The following PDE5A variants were observed in gnomAD, a reference collection of about 807,000 sequenced individuals.
PDE5A encodes phosphodiesterase 5A.
Under a neutral mutation model 110.2 loss-of-function variants are expected in PDE5A, and 67 were observed. The observed-to-expected ratio is 0.61, with a 90% CI of 0.50 to 0.75. The LOEUF (loss-of-function observed/expected upper bound fraction) is 0.75, where lower values mean the gene tolerates loss of function less well. Ranked by LOEUF, PDE5A falls within the 30% of genes least tolerant of loss-of-function variation. The pLI is 0.00. For synonymous variants in PDE5A, 328 were observed against 351.2 expected (o/e 0.93, Z 0.74); for missense variants, 862 against 1,045.1 (o/e 0.82, Z 2.42).
intron 7 of PDE5A, among the ~76,000 whole-genome samples, chr4:119,557,578 CAAAT>C (rs1727586369): frequency 6.6e-6 from 1 of 150,950 alleles, no homozygotes; most frequent in Non-Finnish European, 1.5e-5. Flanking sequence ...AAACCAAAGA[CAAAT>C]AAAAAAAAAA....
chr4:119,615,586 TGGCA>T (rs927054291), intron 1 of PDE5A, among the ~76,000 whole-genome samples: 2 of 143,454 alleles, frequency 1.4e-5, no homozygotes, highest in African/African-American at 2.6e-5. Context: ...TACTTCAGAA[TGGCA>T]TTCTTGACAG....
At position 119,507,625 on chromosome 4, in the gene PDE5A, G is replaced by T; in HGVS notation, c.2168C>A (p.Thr723Lys). ...TTACTTAATGTACAGTGCTAGGTCT[G>T]TAGCTAAAATAGCTTGCTTGATTAT... Reference protein sequence around the residue: ...LKIIKQAILATDLALYIKRRG... With the variant: ...LKIIKQAILAKDLALYIKRRG... The change falls in exon 16 of 21, where the codon ACA becomes AAA. Residue 723 changes from threonine to lysine, a missense_variant. Transcript: ENST00000354960. 6.3e-7 allele frequency: 1 copy of T among 1,580,618 alleles called. No individual in the cohort carries two copies. The highest frequency in any genetic ancestry group is 8.6e-7 in the Non-Finnish European group (1 of 1,166,022).
rs147059602 is a variant in PDE5A, at chr4:119,575,112, G to A, written c.832-7968C>T. Reference sequence around the variant, plus strand: ...TGATGGAAGATCAAATGAATGAAATGAAGTGAGAAGAGACGTTTAGAGAAA... The same window carrying A: ...TGATGGAAGATCAAATGAATGAAATAAAGTGAGAAGAGACGTTTAGAGAAA... On this transcript the variant is annotated intron_variant, in intron 3 of 20. Coordinates refer to ENST00000354960, the MANE Select transcript of PDE5A (RefSeq NM_001083.4). 5.0e-3 allele frequency among the ~76,000 whole-genome samples: 760 copies of A among 152,294 alleles called. 6 individuals carry two copies. Among genetic ancestry groups the A allele is most frequent in the African/African-American group, 0.017 (724 of 41,562 alleles).
At position 119,624,283 on chromosome 4, in the gene PDE5A, T is replaced by C. The variant is rs558113393; in HGVS notation, c.152+4237A>G. Among the ~76,000 whole-genome samples the C allele has an allele frequency of 2.0e-5, 3 of 152,292 alleles. No homozygotes were observed. In the East Asian group the frequency reaches 5.8e-4, roughly 29 times the overall value. Reference sequence around the variant, plus strand: ...GAAAATTGTGGAAAGTTTATATTCCTATATAATTATAGAAACAATAATTTA... The same window carrying C: ...GAAAATTGTGGAAAGTTTATATTCCCATATAATTATAGAAACAATAATTTA... On this transcript the variant is annotated intron_variant, in intron 1 of 20. Transcript: ENST00000354960.
intron 9 of PDE5A, chr4:119,549,700 C>T (rs572737009): frequency 1.2e-4 from 19 of 152,016 alleles, no homozygotes; most frequent in African/African-American, 3.9e-4. Context: ...GCATAATAAG[C>T]AGGGAAAATA....
chr4:119,574,523 T>G (rs542716181), intron 3 of PDE5A, among the ~76,000 whole-genome samples: 1 of 152,160 alleles, frequency 6.6e-6, no homozygotes, highest in Admixed American at 6.5e-5. Context: ...ACTCAAGGAA[T>G]CATGGAGACC....
At chr4:119,576,783 G>A (rs553695623) in intron 3 of PDE5A, among the ~76,000 whole-genome samples, 31 of 152,140 alleles carry the variant, frequency 2.0e-4, no homozygotes, top group African/African-American at 6.5e-4. Context: ...AAGAACAAGA[G>A]AAGCAAGAGC....
Position 119,552,620 on chromosome 4 carries a change from AT to A in PDE5A, c.1325del (p.Asn442MetfsTer2). ...AACTTCTAATGCACTGCTGGTTTAC[AT>A]TTCCTGTATTTTCAGTCTAAACAAA... ...RFPWTTENTG[N>X]VNQQCIRSLL... On this transcript the variant is annotated frameshift_variant, in exon 9 of 21. Transcript: ENST00000354960. LOFTEE classifies it high-confidence loss of function. 1 of 1,534,246 alleles carries A rather than the reference AT, an allele frequency of 6.5e-7. No homozygotes were observed. The highest frequency in any genetic ancestry group is 8.8e-7 in the Non-Finnish European group (1 of 1,139,110).
chr4:119,569,060 G>GTCT (rs1407659934), intron 3 of PDE5A, among the ~76,000 whole-genome samples: 1 of 150,578 alleles, frequency 6.6e-6, no homozygotes, highest in African/African-American at 2.4e-5. Context: ...TTGAGACAGG[G>GTCT]TCTTGCTCTG....
In PDE5A at chr4:119,525,615, T is replaced by C; in HGVS notation, c.1713A>G (p.Thr571=). The C allele has an allele frequency of 1.2e-6, 2 of 1,613,388 alleles. No individual in the cohort carries two copies. Among genetic ancestry groups the C allele is most frequent in the South Asian group, 1.1e-5 (1 of 91,062 alleles). Residue 571 remains threonine (T), a synonymous_variant, in exon 12 of 21, where the codon ACA becomes ACG. Coordinates refer to ENST00000354960, the MANE Select transcript of PDE5A (RefSeq NM_001083.4). The surrounding 1 kb of genome is among the most constrained non-coding windows in gnomAD (Gnocchi z 4.3). ...TAAACATCCGAATTGTACACAGTGC[T>C]GTTTCCAGATCAGACAGCTCAAAGT... ...FSDFELSDLE[T]ALCTIRMFTD...
intron 9 of PDE5A, chr4:119,550,025 T>C (rs1727284824): frequency 6.6e-6 from 1 of 152,228 alleles, no homozygotes; most frequent in African/African-American, 2.4e-5. Flanking sequence ...ATCTGGTCTA[T>C]GACATGTAAG....
Position 119,568,379 on chromosome 4 carries a change from A to G in PDE5A, c.832-1235T>C, listed in dbSNP as rs559636090. 7.2e-5 allele frequency among the ~76,000 whole-genome samples: 11 copies of G among 152,266 alleles called. No homozygotes were observed. The South Asian group carries it at 1.9e-3, about 26-fold the overall frequency. ...GTAGTTACGAATGTTCACGGGAACT[A>G]TAATAAGAGCCACTTGAAGGTCATT... On this transcript the variant is annotated intron_variant, in intron 3 of 20. Coordinates refer to ENST00000354960, the MANE Select transcript of PDE5A (RefSeq NM_001083.4).
intron 2 of PDE5A, among the ~76,000 whole-genome samples, chr4:119,604,578 C>A (rs1578819009): frequency 6.6e-6 from 1 of 152,122 alleles, no homozygotes; most frequent in African/African-American, 2.4e-5. Context: ...TAGAGATACT[C>A]TATGAAGACC....
rs774321285 is a variant in PDE5A at position 119,607,002 on chromosome 4, A to G, written c.448T>C (p.Ser150Pro). Reference sequence around the variant, plus strand: ...TCCTTCACTAATTCCAAGAGTCTTGAGCACTGGTCCCCTTCATCATGATCA... The same window carrying G: ...TCCTTCACTAATTCCAAGAGTCTTGGGCACTGGTCCCCTTCATCATGATCA... ...RFDHDEGDQC[S>P]RLLELVKDIS... is the part of the protein sequence containing the mutation. Residue 150 changes from serine (S) to proline (P), a missense_variant, in exon 2 of 21, where the codon TCA (serine) becomes CCA (proline). Coordinates refer to ENST00000354960, the MANE Select transcript of PDE5A (RefSeq NM_001083.4). 6.8e-6 allele frequency: 11 copies of G among 1,614,082 alleles called. No individual in the cohort carries two copies. In the South Asian group the frequency reaches 1.2e-4, roughly 18 times the overall value.
In PDE5A at chr4:119,518,743, T is replaced by C. The variant is rs188105598; in HGVS notation, c.2000+302A>G. Among the ~76,000 whole-genome samples the C allele has an allele frequency of 7.9e-5, 12 of 152,292 alleles. No individual in the cohort carries two copies. In the East Asian group the frequency reaches 2.3e-3, roughly 29 times the overall value. On this transcript the variant is annotated intron_variant, in intron 14 of 20. Transcript: ENST00000354960. ...TCTACTGTAGGGTAAAATGTTACCTTTTCTAAACTAGTCTTAATAGTTTTC... is the reference window on the plus strand; with the variant it reads ...TCTACTGTAGGGTAAAATGTTACCTCTTCTAAACTAGTCTTAATAGTTTTC...
intron 2 of PDE5A, among the ~76,000 whole-genome samples, chr4:119,605,373 A>G (rs1408726896): frequency 1.3e-5 from 2 of 152,158 alleles, no homozygotes; most frequent in Non-Finnish European, 2.9e-5. Context: ...CTGGCCAGGC[A>G]TGGTGGCTCA....
chr4:119,565,412 TA>T lies in PDE5A; in HGVS notation c.904-3del, dbSNP rs768711246. ...AAATGCCAAATAAGCAGCAAAGTCC[TA>T]AAAAACAGATAATAGACAAATAAAA... On this transcript the variant is annotated splice_region_variant and splice_polypyrimidine_tract_variant and intron_variant, in intron 4 of 20. Transcript: ENST00000354960. The T allele has an allele frequency of 3.1e-6, 5 of 1,601,324 alleles. No individual in the cohort carries two copies. The African/African-American group carries it at 6.7e-5, about 21-fold the overall frequency.
At chr4:119,507,462 C>T in intron 16 of PDE5A, 142 bp downstream of exon 16, 2 of 564,702 alleles carry the variant, frequency 3.5e-6, no homozygotes, top group Non-Finnish European at 6.2e-6. Context: ...TTCTGGCTAC[C>T]CTTTCAGAAA....
intron 9 of PDE5A, chr4:119,549,533 AG>A (rs1201181415): frequency 1.3e-5 from 2 of 152,194 alleles, no homozygotes; most frequent in Non-Finnish European, 2.9e-5. Flanking sequence ...GAGATGAAAA[AG>A]TAAGCTATTT....
Sources: gnomAD v4.1 joint callset for allele counts (sites outside exome capture counted in the v4.1 genomes callset) on GRCh38, gnomAD v4.1.1 for gene constraint, Gnocchi (gnomAD v3.1) non-coding constraint, MANE v1.5 for transcripts, NCBI Gene and HGNC (gene_info 2026-07-23, HGNC 2026-07-21) for gene names.